SLC44A1: variants seen among roughly 807,000 people sequenced by gnomAD.
SLC44A1 encodes the protein choline transporter-like protein 1.
A neutral mutation model predicts 79.3 loss-of-function variants in SLC44A1; 26 were observed. That is an observed-to-expected ratio of 0.33 (90% CI 0.24 to 0.46). SLC44A1 has a LOEUF of 0.46. Among genes scored for constraint, SLC44A1 ranks in the 20% least tolerant of loss-of-function variants. The pLI is 1.00. For synonymous variants in SLC44A1, 263 were observed against 286.2 expected, an observed-to-expected ratio of 0.92 and a Z score of 0.82; for missense variants, 688 against 798.1, an observed-to-expected ratio of 0.86 and a Z score of 1.66.
intron 3 of SLC44A1, among the ~76,000 whole-genome samples, chr9:105,322,663 T>G (rs1437798813): frequency 3.3e-5 from 5 of 152,064 alleles, no homozygotes; most frequent in African/African-American, 1.2e-4. Context: ...ACAGCAGAAA[T>G]AAATACTGTG....
downstream of SLC44A1, among the ~76,000 whole-genome samples, chr9:105,400,489 A>AAAAAC (rs773228462): frequency 1.3e-5 from 2 of 151,784 alleles, no homozygotes; most frequent in African/African-American, 2.4e-5. Flanking sequence ...CGCCATCTCA[A>AAAAAC]AAAAAGAAAA....
chr9:105,287,623 A>G (rs965756944), intron 1 of SLC44A1, among the ~76,000 whole-genome samples: 1 of 152,242 alleles, frequency 6.6e-6, no homozygotes, highest in African/African-American at 2.4e-5. Context: ...AAAATCATTT[A>G]TCCTGAAAAC....
intron 1 of SLC44A1, among the ~76,000 whole-genome samples, chr9:105,296,187 G>T (rs1009205664): frequency 6.6e-6 from 1 of 152,160 alleles, no homozygotes; most frequent in Non-Finnish European, 1.5e-5. Flanking sequence ...AAACAGCCCT[G>T]TGAAGTAAGC....
chr9:105,374,813 C>T (rs369993664), intron 13 of SLC44A1, 78 bp downstream of exon 13: 9 of 1,215,256 alleles, frequency 7.4e-6, no homozygotes, highest in Middle Eastern at 2.0e-4. Context: ...TAAAAATATT[C>T]AGGCCACCAA....
chr9:105,361,653 C>CT (rs1276420158), intron 8 of SLC44A1, among the ~76,000 whole-genome samples: 2 of 152,174 alleles, frequency 1.3e-5, no homozygotes, highest in Non-Finnish European at 2.9e-5. Flanking sequence ...GTTCCCTTTA[C>CT]TGTAGAAAAG....
At chr9:105,419,412 A>G (rs1194080898) in intron 15 of SLC44A1, among the ~76,000 whole-genome samples, 1 of 152,222 alleles carries the variant, frequency 6.6e-6, no homozygotes, top group African/African-American at 2.4e-5. Flanking sequence ...ATCTTTCAAG[A>G]CATACACAAG....
chr9:105,271,325 T>C (rs557674862), intron 1 of SLC44A1, among the ~76,000 whole-genome samples: 1 of 152,330 alleles, frequency 6.6e-6, no homozygotes, highest in South Asian at 2.1e-4. Context: ...ATTGCTCCTC[T>C]GGTACAGAAT....
chr9:105,317,091 G>T (rs1831348130), intron 3 of SLC44A1, among the ~76,000 whole-genome samples: 1 of 152,112 alleles, frequency 6.6e-6, no homozygotes, highest in Admixed American at 6.6e-5. Flanking sequence ...ATGGCTGTAG[G>T]ACTGAGTTCC....
At chr9:105,253,540 C>T (rs891815550) in intron 1 of SLC44A1, among the ~76,000 whole-genome samples, 8 of 151,982 alleles carry the variant, frequency 5.3e-5, no homozygotes, top group Non-Finnish European at 1.2e-4. Context: ...CCATCCTGGG[C>T]AATATAGTGA....
chr9:105,366,339 C>A lies in SLC44A1; in HGVS notation c.1411-7C>A. On this transcript the variant is annotated splice_region_variant and splice_polypyrimidine_tract_variant and intron_variant, in intron 11 of 15. Transcript: ENST00000374720. ...TTTTTTATTATTTCCATTTTTCCCC[C>A]ATCCAGGAAAATGCTTGTGCACGAT... The A allele has an allele frequency of 1.4e-6, 2 of 1,445,052 alleles. No homozygotes were observed. Among genetic ancestry groups the A allele is most frequent in the South Asian group, 1.6e-5 (1 of 63,086 alleles). The allele number at this position is 1,445,052 out of a possible 1,614,324, so 89.5% of individuals were successfully genotyped here. A position where few individuals can be genotyped will look rare whatever the true frequency, so the allele number is the denominator to read the frequency against.
intron 15 of SLC44A1, among the ~76,000 whole-genome samples, chr9:105,411,714 T>C (rs896368966): frequency 6.6e-6 from 1 of 152,184 alleles, no homozygotes; most frequent in African/African-American, 2.4e-5. Context: ...TAGAATGACC[T>C]TCAATTTCGG....
intron 1 of SLC44A1, among the ~76,000 whole-genome samples, chr9:105,271,106 C>T (rs773816272): frequency 4.6e-5 from 7 of 152,218 alleles, no homozygotes; most frequent in Non-Finnish European, 7.3e-5. Flanking sequence ...AAAGACCAAG[C>T]GTGGCTTTAA....
At chr9:105,414,827 C>A (rs544736473) in intron 15 of SLC44A1, among the ~76,000 whole-genome samples, 43 of 152,060 alleles carry the variant, frequency 2.8e-4, no homozygotes, top group Non-Finnish European at 5.3e-4. Flanking sequence ...GAAAAAAAAA[C>A]CATAGGAATA....
chr9:105,269,811 G>A (rs1489766594), intron 1 of SLC44A1, among the ~76,000 whole-genome samples: 1 of 152,200 alleles, frequency 6.6e-6, no homozygotes. Context: ...TTGTTCAGGC[G>A]TGTGACTTGT....
intron 1 of SLC44A1, among the ~76,000 whole-genome samples, chr9:105,293,702 A>G (rs562587262): frequency 6.6e-6 from 1 of 152,312 alleles, no homozygotes; most frequent in Admixed American, 6.5e-5. Context: ...TCACTTACCA[A>G]AACCTCTGTG....
chr9:105,309,091 G>A (rs1169761507), intron 2 of SLC44A1, among the ~76,000 whole-genome samples: 3 of 152,190 alleles, frequency 2.0e-5, no homozygotes, highest in Non-Finnish European at 4.4e-5. Flanking sequence ...AGTGCTTCAC[G>A]ATGTAATTCT....
intron 3 of SLC44A1, among the ~76,000 whole-genome samples, chr9:105,312,248 A>T (rs1221415515): frequency 1.3e-5 from 2 of 152,080 alleles, no homozygotes; most frequent in African/African-American, 4.8e-5. Flanking sequence ...ACATGGCTAA[A>T]CTCTACTCAT....
intron 15 of SLC44A1, among the ~76,000 whole-genome samples, chr9:105,431,030 C>T (rs1416167629): frequency 1.3e-5 from 2 of 152,158 alleles, no homozygotes; most frequent in African/African-American, 4.8e-5. Context: ...TGATGTTAAG[C>T]ACCTTTTCAT....
chr9:105,310,264 C>T (rs1831142617), intron 3 of SLC44A1, among the ~76,000 whole-genome samples: 1 of 151,926 alleles, frequency 6.6e-6, no homozygotes, highest in Non-Finnish European at 1.5e-5. Context: ...GAAATATTAA[C>T]ATAATAGAAA....
Sources: gnomAD v4.1 joint callset for allele counts (sites outside exome capture counted in the v4.1 genomes callset) on GRCh38, gnomAD v4.1.1 for gene constraint, MANE v1.5 for transcripts, NCBI Gene and HGNC (gene_info 2026-07-23, HGNC 2026-07-21) for gene names.